Variants in SPATS2L observed in about 807,000 individuals in gnomAD.
The protein encoded by SPATS2L is spermatogenesis associated serine rich 2 like.
SPATS2L carries 30 observed loss-of-function variants against 59.6 expected under a neutral mutation model. The ratio of observed to expected loss-of-function variants is 0.50; its 90% CI spans 0.38 to 0.68. SPATS2L has a LOEUF of 0.68. Among genes scored for constraint, SPATS2L ranks in the 30% least tolerant of loss-of-function variants. The pLI is 0.00. For synonymous variants in SPATS2L, 252 were observed against 263.5 expected (o/e 0.96, Z 0.42); for missense variants, 615 against 700.0 (o/e 0.88, Z 1.37).
At chr2:200,419,179 A>G (rs1382894646) in intron 5 of SPATS2L, 71 bp from the exon 6 acceptor site, 5 of 1,433,806 alleles carry the variant, frequency 3.5e-6, no homozygotes, top group African/African-American at 1.4e-5. Flanking sequence ...TCTTATTTTC[A>G]TCTCTCAGAT....
At chr2:200,393,000 T>C (rs1197363847) in intron 3 of SPATS2L, 1 of 334,196 alleles carries the variant, frequency 3.0e-6, no homozygotes, top group African/African-American at 2.2e-5. Context: ...GGCCATTGAG[T>C]AAAAAATAGC....
intron 9 of SPATS2L, among the ~76,000 whole-genome samples, chr2:200,464,932 C>T (rs548294969): frequency 2.0e-5 from 3 of 152,166 alleles, no homozygotes; most frequent in South Asian, 2.1e-4. Flanking sequence ...AGGTGTGGAT[C>T]CTAAACAGTC....
chr2:200,454,114 A>G (rs2085664810), intron 8 of SPATS2L, among the ~76,000 whole-genome samples: 1 of 152,206 alleles, frequency 6.6e-6, no homozygotes, highest in Non-Finnish European at 1.5e-5. Flanking sequence ...GTCCCCGGCA[A>G]TTCCTCTCAC....
At chr2:200,471,435 C>T (rs1351947570) in intron 11 of SPATS2L, among the ~76,000 whole-genome samples, 2 of 151,926 alleles carry the variant, frequency 1.3e-5, no homozygotes, top group Non-Finnish European at 2.9e-5. Context: ...GATCTCGGGG[C>T]GATGGAGAGG....
intron 3 of SPATS2L, among the ~76,000 whole-genome samples, chr2:200,405,247 T>C (rs2082653912): frequency 6.6e-6 from 1 of 152,182 alleles, no homozygotes; most frequent in African/African-American, 2.4e-5. Flanking sequence ...GATCAGAATA[T>C]ATTTTAAAGT....
intron 2 of SPATS2L, among the ~76,000 whole-genome samples, chr2:200,378,627 T>C (rs2081684620): frequency 6.6e-6 from 1 of 152,202 alleles, no homozygotes; most frequent in Non-Finnish European, 1.5e-5. Flanking sequence ...AATTATTAAA[T>C]GTTTACTAGG....
chr2:200,479,867 T>C lies in SPATS2L; in HGVS notation c.*1836T>C. 1 of 397,798 alleles carries C rather than the reference T, an allele frequency of 2.5e-6. No individual in the cohort carries two copies. Among genetic ancestry groups the C allele is most frequent in the East Asian group, 3.6e-5 (1 of 28,078 alleles). The allele number at this position is 397,798 out of a possible 1,614,324, so 24.6% of individuals were successfully genotyped here. On this transcript the variant is annotated 3_prime_UTR_variant, in exon 13 of 13. Transcript: ENST00000409140. ...TCTCTCTGTAGAGAGCTTTCTGAGG[T>C]CTCTGGGTGTACCCAGAGATTTAAT... is the stretch of plus-strand genomic sequence containing the variant.
Position 200,326,978 on chromosome 2 carries a change from C to T in SPATS2L, c.-72-2453C>T, listed in dbSNP as rs555582748. ...GCCAGGCTGGTCATGAACTCCTGAC[C>T]TCAGGTGATCCACCTGCCTCGGCCT... is the stretch of plus-strand genomic sequence containing the variant. On this transcript the variant is annotated intron_variant, in intron 1 of 12. Transcript: ENST00000409140. 1.1e-4 allele frequency among the ~76,000 whole-genome samples: 16 copies of T among 149,938 alleles called. No homozygotes were observed. The East Asian group carries it at 3.0e-3, about 28-fold the overall frequency.
At chr2:200,369,623 A>G (rs1052123345) in intron 2 of SPATS2L, among the ~76,000 whole-genome samples, 2 of 152,096 alleles carry the variant, frequency 1.3e-5, no homozygotes, top group Non-Finnish European at 2.9e-5. Flanking sequence ...AGTACTGGAT[A>G]ATAAGTATAA....
chr2:200,416,835 G>T (rs1183000637), intron 5 of SPATS2L, among the ~76,000 whole-genome samples: 1 of 152,142 alleles, frequency 6.6e-6, no homozygotes, highest in Non-Finnish European at 1.5e-5. Context: ...CCACCTGAAA[G>T]AATCTGTCCA....
intron 1 of SPATS2L, among the ~76,000 whole-genome samples, chr2:200,314,032 C>T (rs1209632449): frequency 6.6e-6 from 1 of 152,216 alleles, no homozygotes; most frequent in Non-Finnish European, 1.5e-5. Flanking sequence ...TCATTCTGCA[C>T]GTTTGCCCTG....
intron 6 of SPATS2L, among the ~76,000 whole-genome samples, chr2:200,426,205 C>T (rs1396389418): frequency 1.3e-5 from 2 of 149,366 alleles, no homozygotes; most frequent in East Asian, 3.9e-4. Context: ...ATTCTCCTGC[C>T]TCAGCCTCCC....
intron 8 of SPATS2L, 45 bp downstream of exon 8, chr2:200,440,829 T>C: frequency 6.3e-7 from 1 of 1,591,704 alleles, no homozygotes; most frequent in Non-Finnish European, 8.6e-7. Flanking sequence ...ATGCTTGAGC[T>C]GTTCCAACAG....
At chr2:200,388,325 C>T (rs971219890) in intron 2 of SPATS2L, among the ~76,000 whole-genome samples, 1 of 152,056 alleles carries the variant, frequency 6.6e-6, no homozygotes, top group African/African-American at 2.4e-5. Flanking sequence ...AATCCCAGTG[C>T]TTTGGGAGGC....
At chr2:200,358,304 C>T (rs1321820391) in intron 2 of SPATS2L, among the ~76,000 whole-genome samples, 2 of 152,218 alleles carry the variant, frequency 1.3e-5, no homozygotes, top group Non-Finnish European at 1.5e-5. Context: ...ATCATATAAC[C>T]TGTTCACAGA....
intron 12 of SPATS2L, 121 bp from the exon 13 acceptor site, chr2:200,477,515 T>TAAAAAAA (rs59073895): frequency 1.1e-4 from 32 of 302,670 alleles, no homozygotes; most frequent in African/African-American, 1.0e-3. Context: ...TTCTGGTGTA[T>TAAAAAAA]AAAAAAAAAA....
At chr2:200,323,058 G>T (rs1018443906) in intron 1 of SPATS2L, among the ~76,000 whole-genome samples, 3 of 152,164 alleles carry the variant, frequency 2.0e-5, no homozygotes, top group Non-Finnish European at 4.4e-5. Flanking sequence ...TTCAAATCTC[G>T]ACAGAACATG....
intron 2 of SPATS2L, among the ~76,000 whole-genome samples, chr2:200,386,599 T>C (rs1408635584): frequency 6.6e-6 from 1 of 152,214 alleles, no homozygotes; most frequent in African/African-American, 2.4e-5. Flanking sequence ...TAGAGAATGC[T>C]GCACATCCAA....
At chr2:200,415,529 T>G (rs1048235663) in intron 4 of SPATS2L, among the ~76,000 whole-genome samples, 2 of 152,172 alleles carry the variant, frequency 1.3e-5, no homozygotes, top group Admixed American at 6.5e-5. Context: ...ACAACTGATA[T>G]CCTCATTACC....
Sources: allele counts gnomAD v4.1 joint callset (sites outside exome capture counted in the v4.1 genomes callset), GRCh38; gene constraint gnomAD v4.1.1; transcripts MANE v1.5; gene names NCBI Gene and HGNC (gene_info 2026-07-23, HGNC 2026-07-21).